CA6: variants seen among roughly 807,000 people sequenced by gnomAD.
The protein encoded by CA6 is carbonic anhydrase 6.
Under a neutral mutation model 35.9 loss-of-function variants are expected in CA6, and 28 were observed. The ratio of observed to expected loss-of-function variants is 0.78; its 90% CI spans 0.58 to 1.07. CA6 has a LOEUF of 1.07. Among genes scored for constraint, CA6 ranks in the 50% least tolerant of loss-of-function variants. CA6 has a pLI of 0.00. For synonymous variants in CA6, 148 were observed against 152.6 expected (o/e 0.97, Z 0.22); for missense variants, 377 against 382.0 (o/e 0.99, Z 0.11).
rs112454032 is a variant in CA6, at chr1:8,949,166, G to A, written c.80-97G>A. ...CTGGAAGGTGCCTCCGTGGGTCCCC[G>A]CCCAGCAGGCCCTGGCCTCTGGCCT... On this transcript the variant is annotated intron_variant, in intron 1 of 7. Transcript: ENST00000377443. The A allele has an allele frequency of 3.6e-3, 3,398 of 941,128 alleles. 94 individuals are homozygous for A. The African/African-American group carries it at 0.052, about 14-fold the overall frequency. 58.3% of individuals were successfully genotyped at this position (941,128 alleles called of 1,614,324 possible).
intron 7 of CA6, 114 bp downstream of exon 7, chr1:8,971,095 C>G (rs1640098760): frequency 1.3e-6 from 1 of 757,418 alleles, no homozygotes; most frequent in Non-Finnish European, 2.3e-6. Context: ...ATTTCAGTAG[C>G]AAGAGGCTCA....
In CA6 at chr1:8,949,356, G is replaced by C. The variant is rs1639459019; in HGVS notation, c.173G>C (p.Arg58Pro). Residue 58 changes from arginine to proline, a missense_variant, in exon 2 of 8, where the codon CGG becomes CCG. Coordinates refer to ENST00000377443, the MANE Select transcript of CA6 (RefSeq NM_001215.4). ...SPINLQRTKV[R>P]YNPSLKGLNM... The stretch of plus-strand genomic sequence containing the variant: ...ATCAACCTACAGAGGACGAAGGTGC[G>C]GTACAACCCCTCCTTGAAGGGGCTC... 1 of 1,613,092 alleles carries C rather than the reference G, an allele frequency of 6.2e-7. No homozygotes were observed. Among genetic ancestry groups the C allele is most frequent in the African/African-American group, 1.3e-5 (1 of 74,800 alleles).
chr1:8,957,008 A>G, intron 2 of CA6, 129 bp from the exon 3 acceptor site: 1 of 759,260 alleles, frequency 1.3e-6, no homozygotes, highest in Non-Finnish European at 2.0e-6. Context: ...TGGCATTCTA[A>G]GCCAGTCTAT....
chr1:8,958,545 G>A (rs940629730), intron 3 of CA6, among the ~76,000 whole-genome samples: 1 of 152,172 alleles, frequency 6.6e-6, no homozygotes, highest in Non-Finnish European at 1.5e-5. Flanking sequence ...GGTTGCCTGG[G>A]ACAAGGGGCG....
intron 2 of CA6, among the ~76,000 whole-genome samples, chr1:8,956,727 G>A (rs182274087): frequency 2.0e-5 from 3 of 152,260 alleles, no homozygotes; most frequent in East Asian, 1.9e-4. Context: ...TTATACCTTC[G>A]GCAAATTCCA....
rs1003501243 is a variant in CA6, at chr1:8,974,827, C to G, written c.*123C>G. 21 of 565,570 alleles carry G rather than the reference C, an allele frequency of 3.7e-5. No individual in the cohort carries two copies. The highest frequency in any genetic ancestry group is 5.8e-5 in the African/African-American group (3 of 51,312). The allele number at this position is 565,570 out of a possible 1,614,324, so 35.0% of individuals were successfully genotyped here. On this transcript the variant is annotated 3_prime_UTR_variant, in exon 8 of 8. Coordinates refer to ENST00000377443, the MANE Select transcript of CA6 (RefSeq NM_001215.4). ...CCATGTGTGTCTGGAACACGCTGCTCCCCCTGGGGCAGCTGTTGGGATTCT... is the reference window on the plus strand; with the variant it reads ...CCATGTGTGTCTGGAACACGCTGCTGCCCCTGGGGCAGCTGTTGGGATTCT...
intron 7 of CA6, 54 bp downstream of exon 7, chr1:8,971,035 C>T (rs111279535): frequency 1.7e-5 from 20 of 1,184,502 alleles, no homozygotes; most frequent in African/African-American, 1.5e-4. Flanking sequence ...TGTTTTGCTC[C>T]TTCCTCTAGG....
At chr1:8,966,041 G>A (rs1225140192) in intron 5 of CA6, among the ~76,000 whole-genome samples, 1 of 152,170 alleles carries the variant, frequency 6.6e-6, no homozygotes, top group Non-Finnish European at 1.5e-5. Context: ...ATCTCTTTGA[G>A]TCCCTGCTTT....
At chr1:8,964,171 C>T (rs1639910964) in intron 5 of CA6, among the ~76,000 whole-genome samples, 1 of 152,190 alleles carries the variant, frequency 6.6e-6, no homozygotes, top group South Asian at 2.1e-4. Context: ...GGCCCAACCC[C>T]ACTCCTCTCC....
chr1:8,968,093 G>C (rs1044694280), intron 6 of CA6, among the ~76,000 whole-genome samples: 1 of 147,430 alleles, frequency 6.8e-6, no homozygotes, highest in African/African-American at 2.5e-5. Context: ...TCAGCCTCCC[G>C]AGTAGCTGGG....
At chr1:8,966,244 G>C (rs1021764262) in intron 5 of CA6, among the ~76,000 whole-genome samples, 1 of 152,116 alleles carries the variant, frequency 6.6e-6, no homozygotes, top group African/African-American at 2.4e-5. Flanking sequence ...CGAGTAGCTG[G>C]GATTACAGGC....
intron 2 of CA6, among the ~76,000 whole-genome samples, chr1:8,950,828 T>C (rs6675310): frequency 0.017 from 2,567 of 150,850 alleles, 80 homozygotes; most frequent in African/African-American, 0.059. Context: ...AGATTACCAC[T>C]GTACTCCACC....
chr1:8,948,830 C>T (rs888181166), intron 1 of CA6, among the ~76,000 whole-genome samples: 25 of 152,010 alleles, frequency 1.6e-4, no homozygotes, highest in African/African-American at 5.6e-4. Context: ...ATTAGCCAGG[C>T]GTGGTGGTGC....
intron 2 of CA6, chr1:8,952,369 T>A (rs1424418821): frequency 1.3e-5 from 2 of 152,140 alleles, no homozygotes; most frequent in Non-Finnish European, 2.9e-5. Flanking sequence ...ACTCCTGACC[T>A]CAAGTGATCC....
rs1017102534 is a variant in CA6 at position 8,963,235 on chromosome 1, C to A, written c.571+579C>A. Among the ~76,000 whole-genome samples the A allele has an allele frequency of 2.6e-5, 4 of 152,180 alleles. No individual in the cohort carries two copies. Among genetic ancestry groups the A allele is most frequent in the Non-Finnish European group, 4.4e-5 (3 of 68,042 alleles). On this transcript the variant is annotated intron_variant, in intron 5 of 7. Coordinates refer to ENST00000377443, the MANE Select transcript of CA6 (RefSeq NM_001215.4). This position sits in a 1 kb window ranked among gnomAD's most constrained non-coding sequence, Gnocchi z 4.1. Reference sequence around the variant, plus strand: ...GCCTCCCAGTCCTCTGACTTCAGCACCCAGCCCCTCCTGCAATTCACCTGA... The same window carrying A: ...GCCTCCCAGTCCTCTGACTTCAGCAACCAGCCCCTCCTGCAATTCACCTGA...
At position 8,949,548 on chromosome 1, in the gene CA6, C is replaced by T. The variant is rs572438242; in HGVS notation, c.259+106C>T. ...ATGGCTTGCACAGAGACACAGAGCA[C>T]GGCCTCAGAGCTGGAGGCCTCGAAC... On this transcript the variant is annotated intron_variant, in intron 2 of 7. Coordinates refer to ENST00000377443, the MANE Select transcript of CA6 (RefSeq NM_001215.4). 66 of 998,988 alleles carry T rather than the reference C, an allele frequency of 6.6e-5. 1 individual carries two copies. The East Asian group carries it at 7.2e-4, about 11-fold the overall frequency. 61.9% of individuals were successfully genotyped at this position (998,988 alleles called of 1,614,324 possible).
intron 1 of CA6, among the ~76,000 whole-genome samples, chr1:8,947,667 A>T (rs908123357): frequency 2.6e-5 from 4 of 152,060 alleles, no homozygotes; most frequent in African/African-American, 9.7e-5. Flanking sequence ...TTCCTGGGAA[A>T]CTACTAGGGG....
At chr1:8,950,290 CTG>C (rs1279956736) in intron 2 of CA6, among the ~76,000 whole-genome samples, 2 of 151,928 alleles carry the variant, frequency 1.3e-5, no homozygotes, top group Non-Finnish European at 2.9e-5. Context: ...GGCCTGGAAA[CTG>C]TGAAATCTGT....
chr1:8,972,558 G>A (rs993972210), intron 7 of CA6, among the ~76,000 whole-genome samples: 1 of 152,080 alleles, frequency 6.6e-6, no homozygotes, highest in Non-Finnish European at 1.5e-5. Flanking sequence ...TGTAGTCCCA[G>A]CTACTGGGGA....
Sources: allele counts gnomAD v4.1 joint callset (sites outside exome capture counted in the v4.1 genomes callset), GRCh38; gene constraint gnomAD v4.1.1; non-coding constraint Gnocchi (gnomAD v3.1); transcripts MANE v1.5; gene names NCBI Gene and HGNC (gene_info 2026-07-23, HGNC 2026-07-21).